Variants in SYT1 observed in about 807,000 individuals in gnomAD.
SYT1 encodes the protein synaptotagmin-1.
SYT1 carries 8 observed loss-of-function variants against 44.8 expected under a neutral mutation model. The ratio of observed to expected loss-of-function variants is 0.18; its 90% CI spans 0.10 to 0.32. The LOEUF (loss-of-function observed/expected upper bound fraction) is 0.32. Ranked by LOEUF, SYT1 falls within the 10% of genes least tolerant of loss-of-function variation. The pLI, the probability that SYT1 is intolerant of heterozygous loss-of-function variation, is 1.00. For synonymous variants in SYT1, 154 were observed against 188.8 expected, an observed-to-expected ratio of 0.82 and a Z score of 1.51; for missense variants, 286 against 509.3, an observed-to-expected ratio of 0.56 and a Z score of 4.22.
In SYT1 at chr12:79,300,344, C is replaced by T. The variant is rs545003607; in HGVS notation, c.810+793C>T. On this transcript the variant is annotated intron_variant, in intron 8 of 10. Coordinates refer to ENST00000261205, the MANE Select transcript of SYT1 (RefSeq NM_005639.3). ...TTCCTAAAACAACTCCTTTCGCAGT[C>T]ACTCTTTAGTTCCTGACGTAAGGCT... Among the ~76,000 whole-genome samples the T allele has an allele frequency of 2.5e-4, 38 of 152,238 alleles. 1 individual carries two copies. In the South Asian group the frequency reaches 7.5e-3, roughly 30 times the overall value.
chr12:78,940,722 TG>T (rs1878302743), intron 1 of SYT1, among the ~76,000 whole-genome samples: 1 of 152,144 alleles, frequency 6.6e-6, no homozygotes, highest in Non-Finnish European at 1.5e-5. Context: ...AAAATTACTT[TG>T]CAACATAAAT....
chr12:79,026,648 G>A (rs982753163), intron 2 of SYT1, among the ~76,000 whole-genome samples: 1 of 126,852 alleles, frequency 7.9e-6, no homozygotes, highest in Non-Finnish European at 1.6e-5. Context: ...AATATTGTGT[G>A]TGTATATACA....
intron 1 of SYT1, among the ~76,000 whole-genome samples, chr12:78,928,469 C>T (rs1227802425): frequency 1.3e-5 from 2 of 151,774 alleles, no homozygotes; most frequent in Non-Finnish European, 2.9e-5. Context: ...CCTCAGCATA[C>T]TTTTTTTTTC....
chr12:79,010,568 T>C (rs1447942318), intron 2 of SYT1, among the ~76,000 whole-genome samples: 1 of 152,164 alleles, frequency 6.6e-6, no homozygotes, highest in Non-Finnish European at 1.5e-5. Context: ...CACTATTCCC[T>C]ACTATATTTT....
intron 1 of SYT1, among the ~76,000 whole-genome samples, chr12:78,878,352 A>G (rs1187262599): frequency 2.6e-5 from 4 of 151,800 alleles, no homozygotes; most frequent in African/African-American, 4.8e-5. Context: ...TTCACCAAGT[A>G]CATAATGTGG....
chr12:78,933,105 G>A (rs2137218110), intron 1 of SYT1, among the ~76,000 whole-genome samples: 1 of 152,178 alleles, frequency 6.6e-6, no homozygotes, highest in East Asian at 1.9e-4. Context: ...TACTCTTCTC[G>A]ACTTTGAAAG....
chr12:79,132,674 C>CAAAAAAAAAAAAAAAAAA (rs71091641), intron 3 of SYT1, among the ~76,000 whole-genome samples: 1 of 43,716 alleles, frequency 2.3e-5, no homozygotes, highest in African/African-American at 8.1e-5. Context: ...GGAGTTTTCT[C>CAAAAAAAAAAAAAAAAAA]AAAAAAAAAA....
At chr12:79,154,765 T>G (rs997790007) in intron 3 of SYT1, among the ~76,000 whole-genome samples, 1 of 152,130 alleles carries the variant, frequency 6.6e-6, no homozygotes, top group African/African-American at 2.4e-5. Flanking sequence ...ACCTGGAATG[T>G]GTGAAGATAA....
intron 1 of SYT1, among the ~76,000 whole-genome samples, chr12:78,913,810 C>T (rs77328601): frequency 6.6e-6 from 1 of 151,914 alleles, no homozygotes; most frequent in East Asian, 1.9e-4. Flanking sequence ...AACAAATCAA[C>T]CTTATGTATC....
At chr12:79,367,672 C>A (rs1391844252) in intron 9 of SYT1, among the ~76,000 whole-genome samples, 1 of 151,882 alleles carries the variant, frequency 6.6e-6, no homozygotes, top group Non-Finnish European at 1.5e-5. Context: ...CTGTGCCCAT[C>A]TTGGCATTTC....
intron 8 of SYT1, among the ~76,000 whole-genome samples, chr12:79,339,044 G>A (rs368195478): frequency 3.4e-4 from 51 of 152,146 alleles, no homozygotes; most frequent in South Asian, 8.3e-4. Context: ...TATATGTGCC[G>A]CATTTTCTTA....
chr12:79,198,105 A>C (rs1873568012), intron 3 of SYT1, among the ~76,000 whole-genome samples: 1 of 152,198 alleles, frequency 6.6e-6, no homozygotes, highest in South Asian at 2.1e-4. Flanking sequence ...ATTTGTTATA[A>C]AATTTCATTT....
At chr12:79,034,670 T>A (rs983364302) in intron 2 of SYT1, among the ~76,000 whole-genome samples, 5 of 151,716 alleles carry the variant, frequency 3.3e-5, no homozygotes, top group African/African-American at 4.8e-5. Flanking sequence ...GTAATTTTTT[T>A]AAACTATGCT....
intron 4 of SYT1, among the ~76,000 whole-genome samples, chr12:79,249,187 C>T (rs1877039016): frequency 2.1e-5 from 3 of 142,758 alleles, no homozygotes. Context: ...TCACTGCAAG[C>T]TCCGCTTCCC....
intron 1 of SYT1, among the ~76,000 whole-genome samples, chr12:78,974,916 T>C (rs1592622871): frequency 6.6e-6 from 1 of 152,094 alleles, no homozygotes; most frequent in Non-Finnish European, 1.5e-5. Context: ...CCTCCTTGCA[T>C]AGACCCTTCA....
At chr12:79,381,153 C>T (rs980012673) in intron 9 of SYT1, among the ~76,000 whole-genome samples, 4 of 152,120 alleles carry the variant, frequency 2.6e-5, no homozygotes, top group African/African-American at 7.2e-5. Flanking sequence ...ACATTGGCAA[C>T]GAATGGCCTA....
chr12:79,116,295 A>G (rs1047100028), intron 3 of SYT1, among the ~76,000 whole-genome samples: 2 of 152,196 alleles, frequency 1.3e-5, no homozygotes, highest in East Asian at 3.8e-4. Context: ...TGATGGCCCA[A>G]AAAGCCTAAC....
intron 8 of SYT1, among the ~76,000 whole-genome samples, chr12:79,311,861 A>G (rs1310213808): frequency 9.0e-6 from 1 of 110,794 alleles, no homozygotes; most frequent in Admixed American, 1.1e-4. Flanking sequence ...CACTCTGGGG[A>G]CTGTTGTGGG....
intron 1 of SYT1, among the ~76,000 whole-genome samples, chr12:78,968,479 G>A (rs1868300507): frequency 6.6e-6 from 1 of 152,068 alleles, no homozygotes; most frequent in South Asian, 2.1e-4. Context: ...GCATTTGAGA[G>A]GATGTATATT....
Sources: allele counts gnomAD v4.1 joint callset (sites outside exome capture counted in the v4.1 genomes callset), GRCh38; gene constraint gnomAD v4.1.1; transcripts MANE v1.5; gene names NCBI Gene and HGNC (gene_info 2026-07-23, HGNC 2026-07-21).